Variants in DENND4C observed in about 807,000 individuals in gnomAD.
DENND4C encodes DENN domain containing 4C.
Under a neutral mutation model 203.0 loss-of-function variants are expected in DENND4C, and 108 were observed. The ratio of observed to expected loss-of-function variants is 0.53; its 90% confidence interval spans 0.46 to 0.62. DENND4C has a LOEUF of 0.62. DENND4C is among the 20% of genes least tolerant of loss of function. DENND4C has a pLI of 0.00. For missense variants in DENND4C, 2,481 were observed against 2,301.2 expected, an observed-to-expected ratio of 1.08 and a Z score of -1.60; for synonymous variants, 871 against 792.4, an observed-to-expected ratio of 1.10 and a Z score of -1.67.
At position 19,374,080 on chromosome 9, in the gene DENND4C, G is replaced by C. The variant is rs1829279482; in HGVS notation, c.*1907G>C. Among the ~76,000 whole-genome samples, 1 of 152,092 alleles carries C rather than the reference G, an allele frequency of 6.6e-6. No individual in the cohort carries two copies. Among genetic ancestry groups the C allele is most frequent in the African/African-American group, 2.4e-5 (1 of 41,412 alleles). ...CACTTACTGACCCAACAGAAGTTTG[G>C]AATTACCTTGCATATAAAAATTGAG... On this transcript the variant is annotated 3_prime_UTR_variant, in exon 33 of 33. Transcript: ENST00000434457.
At chr9:19,271,574 A>G (rs1359132493) in intron 1 of DENND4C, among the ~76,000 whole-genome samples, 1 of 152,174 alleles carries the variant, frequency 6.6e-6, no homozygotes, top group Admixed American at 6.5e-5. Context: ...TTGAAAAAGA[A>G]CAGCAGTGAG....
In DENND4C at chr9:19,318,212, G is replaced by A. The variant is rs371646667; in HGVS notation, c.1807+1373G>A. 1.9e-3 allele frequency among the ~76,000 whole-genome samples: 287 copies of A among 152,108 alleles called. 15 individuals are homozygous for A. In the South Asian group the frequency reaches 0.057, roughly 30 times the overall value. ...TGTGTGCCTGTAATCCCAGCTATTCGGGAGGCTAAGGGAGGAGAATCACTT... is the reference window on the plus strand; with the variant it reads ...TGTGTGCCTGTAATCCCAGCTATTCAGGAGGCTAAGGGAGGAGAATCACTT... On this transcript the variant is annotated intron_variant, in intron 12 of 32. Transcript: ENST00000434457.
At chr9:19,231,700 C>A (rs1342387509) in intron 1 of DENND4C, among the ~76,000 whole-genome samples, 1 of 151,796 alleles carries the variant, frequency 6.6e-6, no homozygotes, top group Admixed American at 6.6e-5. Flanking sequence ...GGGTAGTTAC[C>A]GCGGGTACTT....
intron 2 of DENND4C, among the ~76,000 whole-genome samples, chr9:19,277,379 A>AT (rs1833090653): frequency 6.6e-6 from 1 of 152,090 alleles, no homozygotes; most frequent in Non-Finnish European, 1.5e-5. Flanking sequence ...AACATTGTGT[A>AT]TTTTTTAAAT....
intron 1 of DENND4C, among the ~76,000 whole-genome samples, chr9:19,255,986 CCAG>C (rs1409743356): frequency 6.6e-6 from 1 of 151,858 alleles, no homozygotes; most frequent in Non-Finnish European, 1.5e-5. Flanking sequence ...TCCTGTAATC[CCAG>C]CACTTTGGGA....
At chr9:19,278,922 CTA>C (rs565180553) in intron 2 of DENND4C, among the ~76,000 whole-genome samples, 54 of 152,132 alleles carry the variant, frequency 3.5e-4, no homozygotes, top group Non-Finnish European at 6.0e-4. Flanking sequence ...AAGGGCCTAA[CTA>C]TTCAAATTGT....
At chr9:19,263,347 T>A (rs1829805340) in intron 1 of DENND4C, among the ~76,000 whole-genome samples, 1 of 151,958 alleles carries the variant, frequency 6.6e-6, no homozygotes, top group African/African-American at 2.4e-5. Context: ...CTTGTTGTTT[T>A]TTGTTTGTTT....
chr9:19,243,168 C>T (rs1025901963), intron 1 of DENND4C, among the ~76,000 whole-genome samples: 16 of 152,206 alleles, frequency 1.1e-4, no homozygotes, highest in African/African-American at 3.9e-4. Context: ...GACCCCTAGC[C>T]CTAGATAACC....
chr9:19,361,018 C>T (rs994451068), intron 29 of DENND4C, among the ~76,000 whole-genome samples: 1 of 152,090 alleles, frequency 6.6e-6, no homozygotes. Context: ...GGATTACAGG[C>T]ACCCACCACC....
At chr9:19,269,216 G>T (rs1179828436) in intron 1 of DENND4C, among the ~76,000 whole-genome samples, 1 of 152,060 alleles carries the variant, frequency 6.6e-6, no homozygotes, top group African/African-American at 2.4e-5. Context: ...AGGCTGGAGT[G>T]CAATGGCGTG....
In DENND4C at chr9:19,299,230, TGTCA is replaced by T; in HGVS notation, c.1113_1116del (p.Val372MetfsTer4). On this transcript the variant is annotated frameshift_variant and splice_region_variant, in exon 8 of 33. Transcript: ENST00000434457. LOFTEE classifies it high-confidence loss of function. ...ATTTATCTTTTTTTTTTTTTTAAGC[TGTCA>T]GTCCATGATGCATTAATATTATCAC... is the stretch of plus-strand genomic sequence containing the variant. The T allele has an allele frequency of 1.3e-6, 2 of 1,561,076 alleles. No homozygotes were observed. Among genetic ancestry groups the T allele is most frequent in the Non-Finnish European group, 1.7e-6 (2 of 1,159,718 alleles).
intron 1 of DENND4C, among the ~76,000 whole-genome samples, chr9:19,258,544 G>GA (rs1364787692): frequency 6.6e-6 from 1 of 152,074 alleles, no homozygotes; most frequent in Non-Finnish European, 1.5e-5. Flanking sequence ...TCTATAACTT[G>GA]AAAATCAATG....
chr9:19,249,924 C>T (rs1283815207), intron 1 of DENND4C, among the ~76,000 whole-genome samples: 1 of 152,180 alleles, frequency 6.6e-6, no homozygotes, highest in Non-Finnish European at 1.5e-5. Flanking sequence ...TCCCAAATTG[C>T]TGGGATTGCA....
Position 19,372,226 on chromosome 9 carries a change from T to G in DENND4C, c.*53T>G. Reference sequence around the variant, plus strand: ...CAAGGCTTGGGGATTAGATTTCATCTGGAAACATTCAAGTTTTTTTTTCCA... The same window carrying G: ...CAAGGCTTGGGGATTAGATTTCATCGGGAAACATTCAAGTTTTTTTTTCCA... On this transcript the variant is annotated 3_prime_UTR_variant, in exon 33 of 33. Coordinates refer to ENST00000434457, the MANE Select transcript of DENND4C (RefSeq NM_001330640.2). The G allele has an allele frequency of 6.4e-7, 1 of 1,560,496 alleles. No homozygotes were observed. The highest frequency in any genetic ancestry group is 8.7e-7 in the Non-Finnish European group (1 of 1,155,350).
At chr9:19,279,356 C>T (rs553374388) in intron 2 of DENND4C, among the ~76,000 whole-genome samples, 10 of 150,486 alleles carry the variant, frequency 6.6e-5, no homozygotes, top group African/African-American at 2.0e-4. Context: ...TGCTTGAGGC[C>T]AGGAGTTCAC....
At chr9:19,256,309 G>GTTTTT (rs1165191635) in intron 1 of DENND4C, among the ~76,000 whole-genome samples, 2 of 84,874 alleles carry the variant, frequency 2.4e-5, no homozygotes, top group African/African-American at 5.0e-5. Flanking sequence ...TTTTTTTTTT[G>GTTTTT]TTTTTTTTTT....
intron 1 of DENND4C, among the ~76,000 whole-genome samples, chr9:19,262,125 C>T (rs575341788): frequency 6.4e-5 from 8 of 125,956 alleles, no homozygotes; most frequent in South Asian, 2.5e-4. Context: ...CTTGTTCTGT[C>T]GCCCAGGCTG....
At chr9:19,266,809 C>G (rs922621272) in intron 1 of DENND4C, among the ~76,000 whole-genome samples, 1 of 152,096 alleles carries the variant, frequency 6.6e-6, no homozygotes, top group Non-Finnish European at 1.5e-5. Context: ...TTCCTTACAC[C>G]TTATACAAAA....
At chr9:19,329,017 C>G (rs1214069542) in intron 16 of DENND4C, among the ~76,000 whole-genome samples, 1 of 152,092 alleles carries the variant, frequency 6.6e-6, no homozygotes, top group Non-Finnish European at 1.5e-5. Context: ...CCATTGCACT[C>G]CAGCCTGGGC....
Sources: gnomAD v4.1 joint callset for allele counts (sites outside exome capture counted in the v4.1 genomes callset) on GRCh38, gnomAD v4.1.1 for gene constraint, MANE v1.5 for transcripts, NCBI Gene and HGNC (gene_info 2026-07-23, HGNC 2026-07-21) for gene names.